Variants in COBL observed in about 807,000 individuals in gnomAD.
COBL encodes the protein protein cordon-bleu.
Under a neutral mutation model 98.8 loss-of-function variants are expected in COBL, and 51 were observed. The observed-to-expected ratio is 0.52, with a 90% CI of 0.41 to 0.65. COBL has a LOEUF of 0.65. Ranked by LOEUF, COBL falls within the 30% of genes least tolerant of loss-of-function variation. The pLI, the probability that COBL is intolerant of heterozygous loss-of-function variation, is 0.00. For missense variants in COBL, 1,617 were observed against 1,617.5 expected (o/e 1.00, Z 0.01); for synonymous variants, 634 against 651.7 (o/e 0.97, Z 0.41).
At chr7:51,222,163 T>C (rs1167908019) in intron 1 of COBL, among the ~76,000 whole-genome samples, 1 of 151,494 alleles carries the variant, frequency 6.6e-6, no homozygotes, top group Non-Finnish European at 1.5e-5. Flanking sequence ...CACCCCAGCC[T>C]GGGCAACAAG....
chr7:51,099,398 C>T (rs1302698789), intron 6 of COBL, among the ~76,000 whole-genome samples: 1 of 152,122 alleles, frequency 6.6e-6, no homozygotes, highest in African/African-American at 2.4e-5. Context: ...AAAATGTGGT[C>T]TATACACAGA....
intron 6 of COBL, among the ~76,000 whole-genome samples, chr7:51,110,999 C>T (rs768291523): frequency 3.9e-5 from 6 of 152,160 alleles, no homozygotes; most frequent in African/African-American, 1.4e-4. Flanking sequence ...TATAAACATG[C>T]GTGTGCAAGT....
intron 2 of COBL, among the ~76,000 whole-genome samples, chr7:51,213,038 A>G (rs573051917): frequency 1.3e-5 from 2 of 152,334 alleles, no homozygotes; most frequent in African/African-American, 4.8e-5. Flanking sequence ...ATGTTAAAAC[A>G]AATTTAATTT....
At position 51,155,589 on chromosome 7, in the gene COBL, CAAAAAAAAAAAAA is replaced by C. The variant is rs58500324; in HGVS notation, c.784-19271_784-19259del. Among the ~76,000 whole-genome samples, 88 of 30,790 alleles carry C rather than the reference CAAAAAAAAAAAAA, an allele frequency of 2.9e-3. 1 individual carries two copies. The highest frequency in any genetic ancestry group is 3.8e-3 in the Non-Finnish European group (71 of 18,690). 20.2% of individuals were successfully genotyped at this position (30,790 alleles called of 152,430 possible). On this transcript the variant is annotated intron_variant, in intron 5 of 12. Transcript: ENST00000265136. ...TAGGTGACAGAGCAAGACTCCATCT[CAAAAAAAAAAAAA>C]AAAAAAAAAAAAAAAAGAAGACTGC...
chr7:51,259,760 T>C, intron 1 of COBL: 1 of 747,688 alleles, frequency 1.3e-6, no homozygotes. Flanking sequence ...CCAGATCACA[T>C]AAGTTTCCAC....
intron 6 of COBL, among the ~76,000 whole-genome samples, chr7:51,121,603 T>C (rs1341811909): frequency 6.6e-6 from 1 of 152,180 alleles, no homozygotes. Context: ...CCCAGAGCAG[T>C]CAAGGCTGAG....
In COBL at chr7:51,054,895, T is replaced by C. The variant is rs1790587032; in HGVS notation, c.1097-11203A>G. On this transcript the variant is annotated intron_variant, in intron 7 of 12. Transcript: ENST00000265136. ...CGGAACTTGCTTTCAATGTAAAACA[T>C]CGTTTCCTTTCCACAGCCTTCCTCG... 2.6e-5 allele frequency among the ~76,000 whole-genome samples: 4 copies of C among 152,266 alleles called. 1 individual carries two copies. The South Asian group carries it at 8.3e-4, about 32-fold the overall frequency.
At position 51,305,513 on chromosome 7, in the gene COBL, T is replaced by C. The variant is rs117216089; in HGVS notation, c.41+11080A>G. 7.6e-3 allele frequency among the ~76,000 whole-genome samples: 1,157 copies of C among 152,296 alleles called. 8 individuals carry two copies. The highest frequency in any genetic ancestry group is 0.027 in the South Asian group (132 of 4,824). The stretch of plus-strand genomic sequence containing the variant: ...AGGTATAATCTTCCAACTTGGTGCA[T>C]GTCATTTAGAACAATCAGTTCTAAC... On this transcript the variant is annotated intron_variant, in intron 1 of 12. Transcript: ENST00000265136.
chr7:51,288,631 G>A (rs1800597864), intron 1 of COBL, among the ~76,000 whole-genome samples: 1 of 151,822 alleles, frequency 6.6e-6, no homozygotes, highest in African/African-American at 2.4e-5. Context: ...GGGGGTGCCT[G>A]TAATCCCAGC....
chr7:51,294,807 A>G (rs890549573), intron 1 of COBL, among the ~76,000 whole-genome samples: 3 of 151,960 alleles, frequency 2.0e-5, no homozygotes, highest in African/African-American at 7.2e-5. Context: ...GTCCTTGTAC[A>G]TGGTCTATGC....
intron 6 of COBL, among the ~76,000 whole-genome samples, chr7:51,086,595 T>C (rs1794275000): frequency 6.7e-6 from 1 of 150,254 alleles, no homozygotes; most frequent in African/African-American, 2.5e-5. Flanking sequence ...ACCACGTATA[T>C]GGGAGAGAGA....
chr7:51,238,820 C>T (rs1249234132), intron 1 of COBL, among the ~76,000 whole-genome samples: 2 of 152,032 alleles, frequency 1.3e-5, no homozygotes, highest in Non-Finnish European at 2.9e-5. Context: ...TCCCTGGCAA[C>T]CCTGCCTCAT....
chr7:51,203,326 G>C, intron 2 of COBL, among the ~76,000 whole-genome samples: 1 of 129,708 alleles, frequency 7.7e-6, no homozygotes, highest in African/African-American at 3.3e-5. Context: ...GCCGGGTGTA[G>C]TGGCGGGCGC....
chr7:51,243,326 C>G (rs890718831), intron 1 of COBL, among the ~76,000 whole-genome samples: 1 of 152,164 alleles, frequency 6.6e-6, no homozygotes, highest in African/African-American at 2.4e-5. Flanking sequence ...TGCGAGTCAC[C>G]TCACCCCTCT....
chr7:51,110,032 T>C (rs1796683071), intron 6 of COBL, among the ~76,000 whole-genome samples: 1 of 152,248 alleles, frequency 6.6e-6, no homozygotes, highest in Non-Finnish European at 1.5e-5. Context: ...ATGTGGTATT[T>C]TGATACAAGC....
chr7:51,080,140 A>G (rs1583710649), intron 7 of COBL, among the ~76,000 whole-genome samples: 1 of 152,228 alleles, frequency 6.6e-6, no homozygotes, highest in East Asian at 1.9e-4. Context: ...TACAGAGGTC[A>G]GGGAGGAGAC....
At chr7:51,157,368 G>A (rs568719007) in intron 5 of COBL, among the ~76,000 whole-genome samples, 57 of 152,116 alleles carry the variant, frequency 3.7e-4, no homozygotes, top group Non-Finnish European at 7.9e-4. Context: ...GCAAGACTCC[G>A]CCTCAAAAAA....
At chr7:51,288,756 A>G (rs1800614408) in intron 1 of COBL, among the ~76,000 whole-genome samples, 1 of 150,490 alleles carries the variant, frequency 6.6e-6, no homozygotes. Flanking sequence ...CTCAGTCTCA[A>G]AAAATAAAAT....
chr7:51,085,392 G>T, intron 6 of COBL, 88 bp from the exon 7 acceptor site: 3 of 1,360,002 alleles, frequency 2.2e-6, no homozygotes, highest in Non-Finnish European at 3.0e-6. Context: ...TTGTGCTGGG[G>T]CAGGGACCTG....
Sources: allele counts gnomAD v4.1 joint callset (sites outside exome capture counted in the v4.1 genomes callset), GRCh38; gene constraint gnomAD v4.1.1; transcripts MANE v1.5; gene names NCBI Gene and HGNC (gene_info 2026-07-23, HGNC 2026-07-21).